MORN1: variants seen among roughly 807,000 people sequenced by gnomAD.
MORN1 encodes the protein MORN repeat-containing protein 1.
MORN1 carries 67 observed loss-of-function variants against 61.9 expected under a neutral mutation model. The ratio of observed to expected loss-of-function variants is 1.08; its 90% confidence interval spans 0.89 to 1.33. The LOEUF (loss-of-function observed/expected upper bound fraction) is 1.33, where lower values mean the gene tolerates loss of function less well. Ranked by LOEUF, MORN1 falls within the 40% of genes most tolerant of loss-of-function variation. The pLI, the probability that MORN1 is intolerant of heterozygous loss-of-function variation, is 0.00. For synonymous variants in MORN1, 301 were observed against 292.0 expected (o/e 1.03, Z -0.31); for missense variants, 752 against 691.2 (o/e 1.09, Z -0.99).
At chr1:2,388,824 C>A (rs1642570311) in intron 2 of MORN1, among the ~76,000 whole-genome samples, 1 of 145,726 alleles carries the variant, frequency 6.9e-6, no homozygotes, top group Non-Finnish European at 1.5e-5. Flanking sequence ...GAAAACTAGG[C>A]AGAGTGGCTG....
chr1:2,349,408 C>T (rs1641600027), intron 10 of MORN1, among the ~76,000 whole-genome samples: 1 of 152,210 alleles, frequency 6.6e-6, no homozygotes, highest in South Asian at 2.1e-4. Flanking sequence ...CAGTCCCGGC[C>T]CCTCTGACAT....
chr1:2,379,711 G>C (rs2100355106), intron 6 of MORN1, among the ~76,000 whole-genome samples: 1 of 152,336 alleles, frequency 6.6e-6, no homozygotes, highest in Admixed American at 6.5e-5. Flanking sequence ...AAACTCATTA[G>C]GGTAACCTTT....
chr1:2,323,554 C>G (rs1640930936), intron 13 of MORN1: 7 of 985,310 alleles, frequency 7.1e-6, no homozygotes, highest in African/African-American at 5.2e-5. Flanking sequence ...GGGGGGGTGC[C>G]AGGCCCAGGC....
intron 10 of MORN1, among the ~76,000 whole-genome samples, chr1:2,353,906 A>G (rs1641704219): frequency 6.6e-6 from 1 of 152,256 alleles, no homozygotes; most frequent in South Asian, 2.1e-4. Context: ...ATGAAGGGTA[A>G]CAATTCATGG....
chr1:2,375,103 G>C (rs1402847191), intron 6 of MORN1: 1 of 152,236 alleles, frequency 6.6e-6, no homozygotes, highest in African/African-American at 2.4e-5. Flanking sequence ...TAACAAGCCT[G>C]GTTTCCAAGT....
chr1:2,348,768 C>T (rs1431563511), intron 10 of MORN1, among the ~76,000 whole-genome samples: 3 of 144,166 alleles, frequency 2.1e-5, no homozygotes, highest in Non-Finnish European at 3.0e-5. Context: ...CGCACACCTG[C>T]GCAGGCACGC....
chr1:2,355,107 T>C lies in MORN1; in HGVS notation c.1036+2325A>G, dbSNP rs1641733493. 2.9e-6 allele frequency: 3 copies of C among 1,031,214 alleles called. No individual in the cohort carries two copies. In the South Asian group the frequency reaches 1.0e-4, roughly 35 times the overall value. The allele number at this position is 1,031,214 out of a possible 1,614,324, so 63.9% of individuals were successfully genotyped here. A position where few individuals can be genotyped will look rare whatever the true frequency, so the allele number is the denominator to read the frequency against. ...GGGGCCCGCGCGGGGTAGGGTGCGA[T>C]GCAGGCACGAGGCTGGTTTCAATCG... On this transcript the variant is annotated intron_variant, in intron 10 of 13. Transcript: ENST00000378531.
intron 13 of MORN1, chr1:2,321,976 G>A (rs898805979): frequency 1.0e-6 from 1 of 970,538 alleles, no homozygotes; most frequent in African/African-American, 1.8e-5. Flanking sequence ...ACTTTTTTAG[G>A]AGAAAAATAA....
Position 2,336,836 on chromosome 1 carries a change from G to T in MORN1, c.1051C>A (p.Pro351Thr), listed in dbSNP as rs772228280. 30 of 1,575,940 alleles carry T rather than the reference G, an allele frequency of 1.9e-5. No homozygotes were observed. In the South Asian group the frequency reaches 3.5e-4, roughly 18 times the overall value. Residue 351 changes from proline (P) to threonine (T), a missense_variant, in exon 11 of 14, where the codon CCC becomes ACC. Pro to Thr is a conservative substitution (Grantham distance 38). Coordinates refer to ENST00000378531, the MANE Select transcript of MORN1 (RefSeq NM_024848.3). ...CGCTGACAGGCCCCGGGACAATGGG[G>T]CGCATGTCCCCTGGCTGAGGAGACA... Reference protein sequence around the residue: ...PGGLLARGHAPHCPGACQRVE... With the variant: ...PGGLLARGHATHCPGACQRVE...
chr1:2,373,552 C>G (rs1412385610), intron 7 of MORN1, among the ~76,000 whole-genome samples: 1 of 152,178 alleles, frequency 6.6e-6, no homozygotes, highest in East Asian at 1.9e-4. Context: ...CCAAGACACT[C>G]CTGGAGGGCT....
At chr1:2,335,829 A>G (rs921402203) in intron 12 of MORN1, among the ~76,000 whole-genome samples, 1 of 139,350 alleles carries the variant, frequency 7.2e-6, no homozygotes, top group African/African-American at 3.4e-5. Flanking sequence ...TCGCCTCCAT[A>G]GCCCAGCCCA....
chr1:2,382,880 T>C (rs2643901), intron 6 of MORN1, among the ~76,000 whole-genome samples: 138,106 of 152,244 alleles, frequency 0.91, 62,717 homozygotes, highest in Middle Eastern at 0.94. Flanking sequence ...CCGGAGTGGG[T>C]ATGGGTGGCA....
Position 2,336,450 on chromosome 1 carries a change from T to G in MORN1, c.1250+19A>C, listed in dbSNP as rs1475085684. 8.1e-6 allele frequency: 13 copies of G among 1,607,170 alleles called. No individual in the cohort carries two copies. Among genetic ancestry groups the G allele is most frequent in the Non-Finnish European group, 1.1e-5 (13 of 1,176,708 alleles). The stretch of plus-strand genomic sequence containing the variant: ...AGCTGACCCTCCGAACACCTGCAGG[T>G]GGGGTGGGCTCATCCTACCTGCTGC... On this transcript the variant is annotated intron_variant, in intron 12 of 13. Transcript: ENST00000378531.
intron 12 of MORN1, among the ~76,000 whole-genome samples, chr1:2,325,121 C>CCTTCCCTCCCTCCCTT (rs1379618602): frequency 1.2e-5 from 1 of 86,732 alleles, no homozygotes; most frequent in Non-Finnish European, 2.1e-5. Context: ...TCCCTTCCTT[C>CCTTCCCTCCCTCCCTT]CCTTCCTTCC....
chr1:2,341,102 C>T (rs1473196099), intron 10 of MORN1, among the ~76,000 whole-genome samples: 7 of 152,362 alleles, frequency 4.6e-5, no homozygotes, highest in Admixed American at 3.9e-4. Context: ...CACACCACCT[C>T]GGTCTGGTGG....
chr1:2,337,198 C>G lies in MORN1; in HGVS notation c.1037-348G>C, dbSNP rs1194422440. Among the ~76,000 whole-genome samples, 1 of 152,210 alleles carries G rather than the reference C, an allele frequency of 6.6e-6. No homozygotes were observed. The highest frequency in any genetic ancestry group is 1.5e-5 in the Non-Finnish European group (1 of 68,032). ...ACTCGCTTCCAGGGTAGGGCCGGGA[C>G]CGGGGCCCTGGCCGGAGAGGCTGGC... is the stretch of plus-strand genomic sequence containing the variant. On this transcript the variant is annotated intron_variant, in intron 10 of 13. Coordinates refer to ENST00000378531, the MANE Select transcript of MORN1 (RefSeq NM_024848.3). The surrounding 1 kb of genome is among the most constrained non-coding windows in gnomAD (Gnocchi z 5.7).
At chr1:2,383,950 G>A (rs187273045) in intron 6 of MORN1, among the ~76,000 whole-genome samples, 4 of 152,308 alleles carry the variant, frequency 2.6e-5, no homozygotes, top group African/African-American at 9.6e-5. Flanking sequence ...ACCACTCCCA[G>A]ACTCCACCGC....
rs565295975 is a variant in MORN1 at position 2,337,807 on chromosome 1, G to A, written c.1037-957C>T. On this transcript the variant is annotated intron_variant, in intron 10 of 13. Transcript: ENST00000378531. The surrounding 1 kb of genome is among the most constrained non-coding windows in gnomAD (Gnocchi z 5.7). ...GGTCGGCACCAGAGCTGGCTGGACA[G>A]GGGAGTTCTGAGAGGGAGGCAGGGG... Among the ~76,000 whole-genome samples the A allele has an allele frequency of 2.0e-5, 3 of 152,316 alleles. No individual in the cohort carries two copies.
At chr1:2,359,385 A>G (rs1458052104) in intron 8 of MORN1, among the ~76,000 whole-genome samples, 4 of 152,188 alleles carry the variant, frequency 2.6e-5, no homozygotes, top group African/African-American at 9.6e-5. Flanking sequence ...TGGCCCCCAG[A>G]GGACTGTGCC....
Sources: gnomAD v4.1 joint callset for allele counts (sites outside exome capture counted in the v4.1 genomes callset) on GRCh38, gnomAD v4.1.1 for gene constraint, Gnocchi (gnomAD v3.1) non-coding constraint, MANE v1.5 for transcripts, NCBI Gene and HGNC (gene_info 2026-07-23, HGNC 2026-07-21) for gene names.